SMC5: variants seen among roughly 807,000 people sequenced by gnomAD.
The protein encoded by SMC5 is structural maintenance of chromosomes protein 5.
A neutral mutation model predicts 148.3 loss-of-function variants in SMC5; 88 were observed. The ratio of observed to expected loss-of-function variants is 0.59; its 90% CI spans 0.50 to 0.71. SMC5 has a LOEUF of 0.71. Among genes scored for constraint, SMC5 ranks in the 30% least tolerant of loss-of-function variants. The probability of loss-of-function intolerance (pLI) is 0.00; values close to 1 mark genes in which losing one functional copy is unlikely to be tolerated. For synonymous variants in SMC5, 421 were observed against 432.8 expected, an observed-to-expected ratio of 0.97 and a Z score of 0.34; for missense variants, 1,142 against 1,298.9, an observed-to-expected ratio of 0.88 and a Z score of 1.86.
At chr9:70,345,673 G>A (rs2036648461) in intron 18 of SMC5, among the ~76,000 whole-genome samples, 1 of 151,946 alleles carries the variant, frequency 6.6e-6, no homozygotes, top group South Asian at 2.1e-4. Context: ...CAGAAGCCAA[G>A]ATTATGTAGG....
intron 18 of SMC5, among the ~76,000 whole-genome samples, chr9:70,345,242 TAGG>T (rs922194563): frequency 1.3e-4 from 20 of 150,948 alleles, no homozygotes; most frequent in African/African-American, 5.0e-4. Context: ...GAATCAAAAT[TAGG>T]AGATGATTAT....
intron 17 of SMC5, among the ~76,000 whole-genome samples, chr9:70,332,272 G>A (rs2036236682): frequency 6.6e-6 from 1 of 152,010 alleles, no homozygotes; most frequent in Non-Finnish European, 1.5e-5. Context: ...TGTAATCCCG[G>A]CACTTTGGGA....
intron 1 of SMC5, among the ~76,000 whole-genome samples, chr9:70,260,261 C>T (rs1281519648): frequency 1.3e-5 from 2 of 152,186 alleles, no homozygotes; most frequent in African/African-American, 2.4e-5. Context: ...GCCGCCACCA[C>T]GCCCAGCTAT....
rs939203474 is a variant in SMC5 at position 70,260,230 on chromosome 9, G to C, written c.185+967G>C. Among the ~76,000 whole-genome samples the C allele has an allele frequency of 5.9e-5, 9 of 152,098 alleles. No homozygotes were observed. The South Asian group carries it at 1.9e-3, about 32-fold the overall frequency. On this transcript the variant is annotated intron_variant, in intron 1 of 24. Transcript: ENST00000361138. ...ATCAATTCTCCTGCCTCAGCCTCCC[G>C]CGTAGCTGGGATTACAGCCAGCCGC...
chr9:70,338,617 A>T (rs970525194), intron 17 of SMC5, among the ~76,000 whole-genome samples: 1 of 152,206 alleles, frequency 6.6e-6, no homozygotes. Flanking sequence ...TAGTCTTCTA[A>T]TGTCTACTTC....
At chr9:70,262,916 T>G (rs2034177947) in intron 1 of SMC5, among the ~76,000 whole-genome samples, 1 of 151,814 alleles carries the variant, frequency 6.6e-6, no homozygotes, top group Non-Finnish European at 1.5e-5. Context: ...AGACACTTGA[T>G]CTGGGTAGCT....
rs541446633 is a variant in SMC5, at chr9:70,279,181, C to T, written c.678+556C>T. On this transcript the variant is annotated intron_variant, in intron 5 of 24. Transcript: ENST00000361138. Reference sequence around the variant, plus strand: ...TTTTATTTAATGGATCTTTTTTCTACATCCCAGCAACTAAAATAAATACAG... The same window carrying T: ...TTTTATTTAATGGATCTTTTTTCTATATCCCAGCAACTAAAATAAATACAG... Among the ~76,000 whole-genome samples the T allele has an allele frequency of 9.9e-5, 15 of 152,262 alleles. No homozygotes were observed. In the East Asian group the frequency reaches 2.9e-3, roughly 29 times the overall value.
intron 10 of SMC5, among the ~76,000 whole-genome samples, chr9:70,301,940 T>C (rs1388486077): frequency 6.6e-6 from 1 of 152,226 alleles, no homozygotes; most frequent in Non-Finnish European, 1.5e-5. Context: ...TATCTACCTA[T>C]CTTTATCTTG....
chr9:70,318,154 G>T (rs1386380500), intron 13 of SMC5, among the ~76,000 whole-genome samples: 1 of 152,096 alleles, frequency 6.6e-6, no homozygotes, highest in Non-Finnish European at 1.5e-5. Flanking sequence ...AGACCCAGGC[G>T]GGAGAATCTC....
At chr9:70,330,514 G>A (rs563396488) in intron 17 of SMC5, among the ~76,000 whole-genome samples, 1 of 149,618 alleles carries the variant, frequency 6.7e-6, no homozygotes, top group East Asian at 2.0e-4. Flanking sequence ...GCACTGTCCA[G>A]TAGAAATACA....
intron 17 of SMC5, among the ~76,000 whole-genome samples, chr9:70,327,238 A>T (rs2036104070): frequency 6.6e-6 from 1 of 152,220 alleles, no homozygotes; most frequent in East Asian, 1.9e-4. Flanking sequence ...AGCCATGATC[A>T]TCTTTTCATA....
At chr9:70,316,424 A>G (rs1196397359) in intron 13 of SMC5, among the ~76,000 whole-genome samples, 1 of 151,046 alleles carries the variant, frequency 6.6e-6, no homozygotes, top group Non-Finnish European at 1.5e-5. Context: ...AGAGCTCATT[A>G]CCAACTCATT....
At chr9:70,268,543 ATAC>A (rs895029895) in intron 3 of SMC5, among the ~76,000 whole-genome samples, 6 of 151,924 alleles carry the variant, frequency 3.9e-5, no homozygotes, top group African/African-American at 1.4e-4. Flanking sequence ...AAATAGAACT[ATAC>A]TACTATTAAG....
chr9:70,348,136 T>C (rs561363071), intron 22 of SMC5, 98 bp downstream of exon 22: 13 of 1,168,426 alleles, frequency 1.1e-5, no homozygotes, highest in Non-Finnish European at 1.5e-5. Context: ...GAGTTATATC[T>C]GTGAAAAGTT....
intron 11 of SMC5, among the ~76,000 whole-genome samples, chr9:70,308,122 C>A (rs2035554964): frequency 1.3e-5 from 2 of 152,034 alleles, no homozygotes; most frequent in African/African-American, 4.8e-5. Flanking sequence ...TATCTAGAGA[C>A]CAGATAATAT....
chr9:70,276,797 C>T (rs1171615702), intron 3 of SMC5, among the ~76,000 whole-genome samples: 5 of 152,130 alleles, frequency 3.3e-5, no homozygotes, highest in African/African-American at 1.2e-4. Flanking sequence ...ATGTAATCCT[C>T]TCTGAATTTA....
chr9:70,280,783 T>A lies in SMC5; in HGVS notation c.703T>A (p.Tyr235Asn). The A allele has an allele frequency of 1.2e-6, 2 of 1,612,994 alleles. No individual in the cohort carries two copies. The highest frequency in any genetic ancestry group is 1.7e-6 in the Non-Finnish European group (2 of 1,179,690). The change falls in exon 6 of 25, where the codon TAT (tyrosine) becomes AAT (asparagine). Residue 235 changes from tyrosine to asparagine, a missense_variant. Physicochemically the swap from Tyr to Asn is moderately radical, Grantham distance 143 (BLOSUM62 -2). This residue lies in a region of SMC5 where 297 missense variants were observed against 302.6 expected (regional missense o/e 0.98). Coordinates refer to ENST00000361138, the MANE Select transcript of SMC5 (RefSeq NM_015110.4). ...LETSCKEKTEYLQKMVQRNER... is the reference protein window; with the variant it reads ...LETSCKEKTENLQKMVQRNER... ...GACCTCATGCAAAGAGAAAACTGAG[T>A]ATCTACAGAAAATGGTTCAGAGGAA...
At position 70,278,634 on chromosome 9, in the gene SMC5, A is replaced by C; in HGVS notation, c.678+9A>C. The C allele has an allele frequency of 6.3e-6, 10 of 1,595,584 alleles. No individual in the cohort carries two copies. The highest frequency in any genetic ancestry group is 8.5e-6 in the Non-Finnish European group (10 of 1,175,128). ...AAGAAAAACAGCTCGAGGTACTTTA[A>C]ATAGACAACTCATTTGTATTGTTTC... On this transcript the variant is annotated intron_variant, in intron 5 of 24. Coordinates refer to ENST00000361138, the MANE Select transcript of SMC5 (RefSeq NM_015110.4).
At chr9:70,305,225 C>A in intron 10 of SMC5, 22 bp from the exon 11 acceptor site, 1 of 1,167,276 alleles carries the variant, frequency 8.6e-7, no homozygotes, top group South Asian at 1.5e-5. Context: ...GAAATTCGAC[C>A]TTTTTTTGCT....
Sources: gnomAD v4.1 joint callset for allele counts (sites outside exome capture counted in the v4.1 genomes callset) on GRCh38, gnomAD v4.1.1 for gene constraint, gnomAD v4.1.1 regional missense constraint, MANE v1.5 for transcripts, NCBI Gene and HGNC (gene_info 2026-07-23, HGNC 2026-07-21) for gene names.